Variants in SON observed in about 807,000 individuals in gnomAD.
The protein encoded by SON is SON DNA and RNA binding protein.
Under a neutral mutation model 173.3 loss-of-function variants are expected in SON, and 4 were observed. The observed-to-expected ratio is 0.02, with a 90% CI of 0.01 to 0.05. SON has a LOEUF of 0.05. SON is among the 10% of genes least tolerant of loss of function. The pLI is 1.00. For synonymous variants in SON, 1,190 were observed against 1,105.9 expected, an observed-to-expected ratio of 1.08 and a Z score of -1.51; for missense variants, 2,626 against 3,055.3, an observed-to-expected ratio of 0.86 and a Z score of 3.31.
chr21:33,543,444 C>G, intron 1 of SON: 1 of 476,400 alleles, frequency 2.1e-6, no homozygotes, highest in Non-Finnish European at 3.8e-6. Context: ...GTTTGGGTCC[C>G]CCCTGCCGTT....
chr21:33,544,951 A>G (rs1191715682), intron 1 of SON, among the ~76,000 whole-genome samples: 1 of 152,224 alleles, frequency 6.6e-6, no homozygotes, highest in Non-Finnish European at 1.5e-5. Flanking sequence ...TCTCTTCAAC[A>G]CATAATGCGT....
Position 33,554,657 on chromosome 21 carries a change from G to T in SON, c.5426G>T (p.Arg1809Leu). ...THEKSKKNKNRDKGEKEKKRD... is the reference protein window; with the variant it reads ...THEKSKKNKNLDKGEKEKKRD... ...GAAAAAAGCAAGAAAAATAAGAACC[G>T]TGATAAGGGGGAGAAAGAGAAGAAA... Residue 1809 changes from arginine to leucine, a missense_variant, in exon 3 of 12, where the codon CGT becomes CTT. Transcript: ENST00000356577. The T allele has an allele frequency of 6.2e-7, 1 of 1,613,610 alleles. No individual in the cohort carries two copies. The highest frequency in any genetic ancestry group is 8.5e-7 in the Non-Finnish European group (1 of 1,179,936).
chr21:33,562,764 T>A (rs1212245779), intron 6 of SON, among the ~76,000 whole-genome samples: 1 of 152,174 alleles, frequency 6.6e-6, no homozygotes, highest in African/African-American at 2.4e-5. Context: ...AAACTAATAT[T>A]TTAAAAATAG....
intron 8 of SON, chr21:33,571,744 T>G (rs2145879649): frequency 6.5e-6 from 1 of 152,738 alleles, no homozygotes; most frequent in African/African-American, 2.4e-5. Flanking sequence ...GTTGCCCTTT[T>G]TTTTAGGCGT....
Position 33,553,312 on chromosome 21 carries a change from G to C in SON, c.4081G>C (p.Glu1361Gln). The C allele has an allele frequency of 3.2e-6, 5 of 1,583,294 alleles. No individual in the cohort carries two copies. The highest frequency in any genetic ancestry group is 4.3e-6 in the Non-Finnish European group (5 of 1,155,410). Reference protein sequence around the residue: ...APESSAMAVLESSAVTVLESS... With the variant: ...APESSAMAVLQSSAVTVLESS... The stretch of plus-strand genomic sequence containing the variant: ...AGAGTCTTCAGCTATGGCTGTCCTG[G>C]AGTCTTCGGCTGTGACCGTCCTGGA... The change falls in exon 3 of 12, where the codon GAG (glutamate) becomes CAG (glutamine). Residue 1361 changes from glutamate to glutamine, a missense_variant. Glu to Gln is a conservative substitution (Grantham distance 29). Around this residue, in one of 13 missense-constraint regions of SON, gnomAD observed 1,006 missense variants for 895.6 expected, o/e 1.12. Coordinates refer to ENST00000356577, the MANE Select transcript of SON (RefSeq NM_138927.4).
chr21:33,566,002 G>T (rs542915421), intron 6 of SON, among the ~76,000 whole-genome samples: 1 of 152,254 alleles, frequency 6.6e-6, no homozygotes, highest in South Asian at 2.1e-4. Flanking sequence ...TTCTCTACTA[G>T]ACAGGTCTTA....
rs1417380735 is a variant in SON at position 33,576,894 on chromosome 21, C to CT, written c.*472dup. On this transcript the variant is annotated 3_prime_UTR_variant, in exon 12 of 12. Coordinates refer to ENST00000356577, the MANE Select transcript of SON (RefSeq NM_138927.4). ...TATTTTGTACTATGATGTAACTCCC[C>CT]TTCCTTATGGCTAGGCTACTGTAAC... The CT allele has an allele frequency of 3.8e-6, 1 of 264,084 alleles. No individual in the cohort carries two copies. Among genetic ancestry groups the CT allele is most frequent in the Non-Finnish European group, 7.7e-6 (1 of 130,684 alleles). 16.4% of individuals were successfully genotyped at this position (264,084 alleles called of 1,614,324 possible).
chr21:33,548,435 ATAT>A (rs895990536), intron 2 of SON, among the ~76,000 whole-genome samples: 28 of 152,204 alleles, frequency 1.8e-4, no homozygotes, highest in Non-Finnish European at 1.5e-4. Flanking sequence ...TTGGGGGAAA[ATAT>A]TATTTTTATT....
At position 33,576,708 on chromosome 21, in the gene SON, AT is replaced by A; in HGVS notation, c.*289del. 5.8e-6 allele frequency: 3 copies of A among 514,128 alleles called. No homozygotes were observed. The South Asian group carries it at 6.1e-5, about 10-fold the overall frequency. 31.8% of individuals were successfully genotyped at this position (514,128 alleles called of 1,614,324 possible). ...TCTGTAAAAACATCTCCAGGCTTTG[AT>A]TTTTGTACCATGGAAATTGTATTTA... On this transcript the variant is annotated 3_prime_UTR_variant, in exon 12 of 12. Coordinates refer to ENST00000356577, the MANE Select transcript of SON (RefSeq NM_138927.4).
chr21:33,548,501 T>C (rs191009269), intron 2 of SON, among the ~76,000 whole-genome samples: 9 of 152,378 alleles, frequency 5.9e-5, no homozygotes, highest in Non-Finnish European at 2.9e-5. Flanking sequence ...ATGAATATTT[T>C]ATATTTGTTA....
At chr21:33,567,307 C>T (rs760719559) in intron 7 of SON, 40 bp downstream of exon 7, 10 of 1,132,042 alleles carry the variant, frequency 8.8e-6, no homozygotes, top group Non-Finnish European at 5.4e-6. Flanking sequence ...TATTTACCAT[C>T]AGCCAACTCA....
chr21:33,546,351 C>T lies in SON; in HGVS notation c.216C>T (p.Val72=). 1 of 1,611,846 alleles carries T rather than the reference C, an allele frequency of 6.2e-7. No individual in the cohort carries two copies. Among genetic ancestry groups the T allele is most frequent in the Non-Finnish European group, 8.5e-7 (1 of 1,179,224 alleles). The change falls in exon 2 of 12, where the codon GTC becomes GTT. Residue 72 remains valine, a synonymous_variant. Coordinates refer to ENST00000356577, the MANE Select transcript of SON (RefSeq NM_138927.4). ...VQKIEEVLSG[V]LDTELRYKPD... ...AGATAGAGGAAGTACTTTCTGGGGT[C>T]TTAGATACAGAACTACGATATAAGC...
chr21:33,564,155 A>G (rs2086120076), intron 6 of SON, among the ~76,000 whole-genome samples: 1 of 152,174 alleles, frequency 6.6e-6, no homozygotes, highest in Non-Finnish European at 1.5e-5. Flanking sequence ...GCCTTTTACC[A>G]TCATTTTGGT....
rs185821315 is a variant in SON at position 33,552,600 on chromosome 21, A to T, written c.3369A>T (p.Ser1123=). The T allele has an allele frequency of 6.2e-7, 1 of 1,613,976 alleles. No individual in the cohort carries two copies. The highest frequency in any genetic ancestry group is 8.5e-7 in the Non-Finnish European group (1 of 1,180,010). The change falls in exon 3 of 12, where the codon TCA becomes TCT. Residue 1123 remains serine, a synonymous_variant. Coordinates refer to ENST00000356577, the MANE Select transcript of SON (RefSeq NM_138927.4). The surrounding 1 kb of genome is among the most constrained non-coding windows in gnomAD (Gnocchi z 5.6). ...TGTCATCTTATACTGCTGATCGTTC[A>T]ATGATGTCTATGGCTGCTGATTCTT... is the stretch of plus-strand genomic sequence containing the variant. ...SMMSSYTADR[S]MMSMAADSYT... is the part of the protein sequence containing the mutation.
At chr21:33,569,172 C>A in intron 8 of SON, 85 bp downstream of exon 8, 1 of 767,550 alleles carries the variant, frequency 1.3e-6, no homozygotes. Context: ...ATGAAAAGAC[C>A]AGTGACTCTA....
Position 33,553,903 on chromosome 21 carries a change from G to T in SON, c.4672G>T (p.Val1558Phe), listed in dbSNP as rs906091449. The T allele has an allele frequency of 1.2e-6, 2 of 1,614,016 alleles. No individual in the cohort carries two copies. Among genetic ancestry groups the T allele is most frequent in the Non-Finnish European group, 1.7e-6 (2 of 1,180,020 alleles). ...NTVCAAGTSP[V>F]GEIGEEKILP... Reference sequence around the variant, plus strand: ...AGTGTGTGCTGCTGGTACTAGTCCTGTTGGGGAAATTGGTGAAGAGAAAAT... The same window carrying T: ...AGTGTGTGCTGCTGGTACTAGTCCTTTTGGGGAAATTGGTGAAGAGAAAAT... Residue 1558 changes from valine (V) to phenylalanine (F), a missense_variant, in exon 3 of 12, where the codon GTT becomes TTT. This residue lies in a region of SON where 1,006 missense variants were observed against 895.6 expected (regional missense o/e 1.12). Transcript: ENST00000356577.
At position 33,554,570 on chromosome 21, in the gene SON, C is replaced by T. The variant is rs764873059; in HGVS notation, c.5339C>T (p.Ser1780Leu). The T allele has an allele frequency of 6.2e-7, 1 of 1,613,972 alleles. No homozygotes were observed. Among genetic ancestry groups the T allele is most frequent in the Non-Finnish European group, 8.5e-7 (1 of 1,180,020 alleles). Residue 1780 changes from serine to leucine, a missense_variant, in exon 3 of 12, where the codon TCA becomes TTA. Around this residue, in one of 13 missense-constraint regions of SON, gnomAD observed 1,006 missense variants for 895.6 expected, o/e 1.12. Transcript: ENST00000356577. Reference protein sequence around the residue: ...PVVSSMPERASESSSEEKDDY... With the variant: ...PVVSSMPERALESSSEEKDDY... ...GTAAGTAGTATGCCAGAAAGAGCTTCAGAGTCTTCTTCAGAGGAAAAAGAT... is the reference window on the plus strand; with the variant it reads ...GTAAGTAGTATGCCAGAAAGAGCTTTAGAGTCTTCTTCAGAGGAAAAAGAT...
In SON at chr21:33,554,483, G is replaced by C; in HGVS notation, c.5252G>C (p.Gly1751Ala). ...GAACGTCTTACAAGCCTTAGAGCTGGCATTGAAGGACCTTTACTTGCAAGT... is the reference window on the plus strand; with the variant it reads ...GAACGTCTTACAAGCCTTAGAGCTGCCATTGAAGGACCTTTACTTGCAAGT... ...DMERLTSLRAGIEGPLLASDV... is the reference protein window; with the variant it reads ...DMERLTSLRAAIEGPLLASDV... Residue 1751 changes from glycine (G) to alanine (A), a missense_variant, in exon 3 of 12, where the codon GGC (glycine) becomes GCC (alanine). By Grantham distance (60) the Gly-to-Ala change is moderately conservative (BLOSUM62 0). This residue lies in a region of SON where 1,006 missense variants were observed against 895.6 expected (regional missense o/e 1.12). Transcript: ENST00000356577. 6.2e-7 allele frequency: 1 copy of C among 1,614,154 alleles called. No individual in the cohort carries two copies. Among genetic ancestry groups the C allele is most frequent in the South Asian group, 1.1e-5 (1 of 91,078 alleles).
rs1396930946 is a variant in SON, at chr21:33,554,871, T to C, written c.5640T>C (p.Ser1880=). Residue 1880 remains serine (S), a synonymous_variant, in exon 3 of 12, where the codon TCT becomes TCC. Coordinates refer to ENST00000356577, the MANE Select transcript of SON (RefSeq NM_138927.4). ...RRRSSRSRSK[S]RGRRSVSKEK... is the part of the protein sequence containing the mutation. The stretch of plus-strand genomic sequence containing the variant: ...GAAGCAGCAGATCAAGATCAAAGTC[T>C]AGAGGAAGAAGATCTGTATCAAAAG... 14 of 1,614,026 alleles carry C rather than the reference T, an allele frequency of 8.7e-6. No homozygotes were observed. Among genetic ancestry groups the C allele is most frequent in the African/African-American group, 1.3e-5 (1 of 75,006 alleles).
Sources: gnomAD v4.1 joint callset for allele counts (sites outside exome capture counted in the v4.1 genomes callset) on GRCh38, gnomAD v4.1.1 for gene constraint, gnomAD v4.1.1 regional missense constraint, Gnocchi (gnomAD v3.1) non-coding constraint, MANE v1.5 for transcripts, NCBI Gene and HGNC (gene_info 2026-07-23, HGNC 2026-07-21) for gene names.